Variants in KLF7 observed in about 807,000 individuals in gnomAD.
KLF7 encodes KLF transcription factor 7.
Under a neutral mutation model 27.3 loss-of-function variants are expected in KLF7, and 2 were observed. That is an observed-to-expected ratio of 0.07 (90% CI 0.03 to 0.23). KLF7 has a LOEUF of 0.23. KLF7 is among the 10% of genes least tolerant of loss of function. The pLI is 1.00. For synonymous variants in KLF7, 165 were observed against 162.4 expected (o/e 1.02, Z -0.12); for missense variants, 221 against 394.1 (o/e 0.56, Z 3.72).
Position 207,077,611 on chromosome 2 carries a change from T to C in KLF7, c.*3602A>G, listed in dbSNP as rs1367318537. 1 of 152,206 alleles carries C rather than the reference T, an allele frequency of 6.6e-6. No individual in the cohort carries two copies. The highest frequency in any genetic ancestry group is 1.9e-4 in the East Asian group (1 of 5,206). 9.4% of individuals were successfully genotyped at this position (152,206 alleles called of 1,614,324 possible). ...ATATTTTTACAAAAATGCAGCTTTG[T>C]CATGGAATCTGAACATCTCTTTTTC... On this transcript the variant is annotated 3_prime_UTR_variant, in exon 4 of 4. Transcript: ENST00000309446.
chr2:207,091,880 T>C (rs888609843), intron 2 of KLF7, among the ~76,000 whole-genome samples: 3 of 152,338 alleles, frequency 2.0e-5, no homozygotes, highest in Admixed American at 6.5e-5. Context: ...GACATATCTG[T>C]AGCCATGATA....
At chr2:207,089,979 C>T (rs1021129502) in intron 2 of KLF7, among the ~76,000 whole-genome samples, 1 of 152,196 alleles carries the variant, frequency 6.6e-6, no homozygotes, top group Non-Finnish European at 1.5e-5. Context: ...ACTTGACCTA[C>T]TTTCTTCTTT....
At chr2:207,135,789 T>A (rs1204879091) in intron 1 of KLF7, among the ~76,000 whole-genome samples, 1 of 152,164 alleles carries the variant, frequency 6.6e-6, no homozygotes, top group Non-Finnish European at 1.5e-5. Context: ...CTATAGGTGT[T>A]ATTTACTTGT....
At chr2:207,140,483 A>G (rs2077909944) in intron 1 of KLF7, among the ~76,000 whole-genome samples, 1 of 152,208 alleles carries the variant, frequency 6.6e-6, no homozygotes, top group Non-Finnish European at 1.5e-5. Flanking sequence ...AAATGCAGTG[A>G]GGAAAAAAAA....
intron 1 of KLF7, among the ~76,000 whole-genome samples, chr2:207,164,257 T>G (rs529007815): frequency 6.6e-6 from 1 of 152,342 alleles, no homozygotes; most frequent in East Asian, 1.9e-4. Context: ...TCATTAGCCT[T>G]AACAAGCTGC....
At chr2:207,133,953 G>T in intron 1 of KLF7, 1 of 695,548 alleles carries the variant, frequency 1.4e-6, no homozygotes, top group Non-Finnish European at 2.3e-6. Context: ...GGTCTGACAA[G>T]GCATTATTAA....
intron 3 of KLF7, among the ~76,000 whole-genome samples, chr2:207,086,827 C>T (rs1378987142): frequency 6.6e-6 from 1 of 152,222 alleles, no homozygotes; most frequent in Non-Finnish European, 1.5e-5. Context: ...ACAGCCTCCA[C>T]ACCCTTCAGA....
Position 207,123,963 on chromosome 2 carries a change from C to A in KLF7, c.544G>T (p.Ala182Ser), listed in dbSNP as rs769414937. 1.7e-5 allele frequency: 27 copies of A among 1,614,054 alleles called. No individual in the cohort carries two copies. Among genetic ancestry groups the A allele is most frequent in the Admixed American group, 6.7e-5 (4 of 60,008 alleles). Residue 182 changes from alanine to serine, a missense_variant, in exon 2 of 4, where the codon GCA becomes TCA. Physicochemically the swap from Ala to Ser is moderately conservative, Grantham distance 99. This residue lies in a region of KLF7 where 180 missense variants were observed against 227.9 expected (regional missense o/e 0.79). Transcript: ENST00000309446. The stretch of plus-strand genomic sequence containing the variant: ...GCCGTCACGGCTGCTGCAGCTGTTG[C>A]GACCCCTCCCACCTTTACGGAGCTG... The part of the protein sequence containing the change: ...ALSSVKVGGV[A>S]TAAAAVTAAG...
chr2:207,166,699 C>T (rs951342304), upstream of KLF7: 5 of 707,930 alleles, frequency 7.1e-6, no homozygotes, highest in Non-Finnish European at 8.7e-6. Flanking sequence ...CACCCCGCCT[C>T]CGCCTGGGCA....
chr2:207,115,072 AAGG>A (rs2077143063), intron 2 of KLF7, among the ~76,000 whole-genome samples: 1 of 152,202 alleles, frequency 6.6e-6, no homozygotes, highest in African/African-American at 2.4e-5. Flanking sequence ...TAGAATATAA[AAGG>A]AGTTTTAATC....
intron 2 of KLF7, among the ~76,000 whole-genome samples, chr2:207,123,389 G>T (rs2077391556): frequency 6.6e-6 from 1 of 152,168 alleles, no homozygotes; most frequent in South Asian, 2.1e-4. Flanking sequence ...AACTGTGAAT[G>T]CTTTCAAATG....
rs150458162 is a variant in KLF7, at chr2:207,110,804, G to A, written c.733+12970C>T. The stretch of plus-strand genomic sequence containing the variant: ...TCAATATTGTTAAAGATCATAAAAG[G>A]GAAGAAGGCAAGACCTGGTGGGTAG... On this transcript the variant is annotated intron_variant, in intron 2 of 3. Coordinates refer to ENST00000309446, the MANE Select transcript of KLF7 (RefSeq NM_003709.4). 3.7e-3 allele frequency among the ~76,000 whole-genome samples: 556 copies of A among 152,264 alleles called. 7 individuals carry two copies. The highest frequency in any genetic ancestry group is 0.013 in the African/African-American group (525 of 41,552).
chr2:207,086,133 G>A (rs1030338971), intron 3 of KLF7, among the ~76,000 whole-genome samples: 1 of 152,182 alleles, frequency 6.6e-6, no homozygotes, highest in African/African-American at 2.4e-5. Context: ...CAGTGTAATT[G>A]TTCAAATTTT....
chr2:207,152,599 C>G (rs1399682752), intron 1 of KLF7, among the ~76,000 whole-genome samples: 1 of 152,074 alleles, frequency 6.6e-6, no homozygotes, highest in Non-Finnish European at 1.5e-5. Flanking sequence ...TCCCAGATTT[C>G]GATGATCTAC....
rs1369898086 is a variant in KLF7, at chr2:207,079,751, A to T, written c.*1462T>A. ...GTCACAAGTCATGGTGGGCCTAGCC[A>T]AAAAAAAAAGGAAAGAAAGAAACGT... On this transcript the variant is annotated 3_prime_UTR_variant, in exon 4 of 4. Coordinates refer to ENST00000309446, the MANE Select transcript of KLF7 (RefSeq NM_003709.4). The T allele has an allele frequency of 3.2e-5, 1 of 30,786 alleles. No individual in the cohort carries two copies. Among genetic ancestry groups the T allele is most frequent in the East Asian group, 2.7e-4 (1 of 3,654 alleles). The allele number at this position is 30,786 out of a possible 1,614,324, so 1.9% of individuals were successfully genotyped here. A position where few individuals can be genotyped will look rare whatever the true frequency, so the allele number is the denominator to read the frequency against.
intron 2 of KLF7, among the ~76,000 whole-genome samples, chr2:207,116,311 T>C (rs1415960313): frequency 6.6e-6 from 1 of 152,212 alleles, no homozygotes; most frequent in Non-Finnish European, 1.5e-5. Context: ...TGAATATTTT[T>C]CAAAGAAAGA....
intron 1 of KLF7, among the ~76,000 whole-genome samples, chr2:207,130,189 C>G (rs181596243): frequency 6.6e-6 from 1 of 152,160 alleles, no homozygotes; most frequent in Admixed American, 6.5e-5. Flanking sequence ...CCCATATGCT[C>G]GAAACAATCT....
chr2:207,124,423 G>C lies in KLF7; in HGVS notation c.103-19C>G. ...GGCATGTCTGCAAGAGGAAGAAGGA[G>C]GGAGAGAAACAGCCATCAGAGGCAC... On this transcript the variant is annotated intron_variant, in intron 1 of 3. Coordinates refer to ENST00000309446, the MANE Select transcript of KLF7 (RefSeq NM_003709.4). 6.5e-7 allele frequency: 1 copy of C among 1,536,696 alleles called. No individual in the cohort carries two copies. Among genetic ancestry groups the C allele is most frequent in the Non-Finnish European group, 8.8e-7 (1 of 1,139,458 alleles).
chr2:207,163,154 T>C (rs1409023588), intron 1 of KLF7, among the ~76,000 whole-genome samples: 1 of 152,200 alleles, frequency 6.6e-6, no homozygotes, highest in East Asian at 1.9e-4. Flanking sequence ...GTCGCCTTTA[T>C]ATAGAGCAGT....
Sources: gnomAD v4.1 joint callset for allele counts (sites outside exome capture counted in the v4.1 genomes callset) on GRCh38, gnomAD v4.1.1 for gene constraint, gnomAD v4.1.1 regional missense constraint, MANE v1.5 for transcripts, NCBI Gene and HGNC (gene_info 2026-07-23, HGNC 2026-07-21) for gene names.